The following FRMD5 variants were observed in gnomAD, a reference collection of about 807,000 sequenced individuals.
FRMD5 encodes the protein FERM domain-containing protein 5.
In FRMD5, 20 loss-of-function variants were observed where a neutral mutation model predicts 69.0. The ratio of observed to expected loss-of-function variants is 0.29; its 90% confidence interval spans 0.20 to 0.42. FRMD5 has a LOEUF of 0.42. Ranked by LOEUF, FRMD5 falls within the 10% of genes least tolerant of loss-of-function variation. The probability of loss-of-function intolerance (pLI) is 1.00; values close to 1 mark genes in which losing one functional copy is unlikely to be tolerated. For missense variants in FRMD5, 595 were observed against 708.6 expected (o/e 0.84, Z 1.82); for synonymous variants, 271 against 260.1 (o/e 1.04, Z -0.40).
chr15:44,119,888 TGA>T (rs2076922648), intron 1 of FRMD5, among the ~76,000 whole-genome samples: 2 of 34,632 alleles, frequency 5.8e-5, no homozygotes, highest in Non-Finnish European at 1.8e-4. Flanking sequence ...TAACATACAG[TGA>T]GTGGTAAAAA....
intron 13 of FRMD5, among the ~76,000 whole-genome samples, chr15:43,875,667 G>A (rs955274947): frequency 1.3e-5 from 2 of 151,708 alleles, no homozygotes; most frequent in African/African-American, 2.4e-5. Flanking sequence ...GAGTAGAGAC[G>A]GGGTTTTGCC....
chr15:44,096,600 A>G (rs974360300), intron 1 of FRMD5, among the ~76,000 whole-genome samples: 5 of 151,926 alleles, frequency 3.3e-5, no homozygotes, highest in Non-Finnish European at 7.4e-5. Flanking sequence ...ACGAGGTTTC[A>G]CCGTGTTGGC....
At chr15:43,876,005 G>C in intron 13 of FRMD5, 1 of 1,300,452 alleles carries the variant, frequency 7.7e-7, no homozygotes, top group South Asian at 1.2e-5. Flanking sequence ...AACCCAAGAC[G>C]CCCCCTTGCC....
At chr15:44,196,587 A>G (rs2078301284), upstream of FRMD5, among the ~76,000 whole-genome samples, 1 of 152,138 alleles carries the variant, frequency 6.6e-6, no homozygotes, top group African/African-American at 2.4e-5. Context: ...GTTTATAGGT[A>G]TAATGTGTAA....
chr15:43,954,378 G>A (rs1005378613), intron 1 of FRMD5, among the ~76,000 whole-genome samples: 1 of 152,204 alleles, frequency 6.6e-6, no homozygotes, highest in Admixed American at 6.5e-5. Context: ...CCATGTGATA[G>A]TGACTCAAAG....
chr15:44,124,803 T>C (rs193229500), intron 1 of FRMD5, among the ~76,000 whole-genome samples: 76 of 152,236 alleles, frequency 5.0e-4, no homozygotes, highest in Middle Eastern at 6.8e-3. Flanking sequence ...AGAACGGTTA[T>C]AAAAATTAGG....
intron 1 of FRMD5, among the ~76,000 whole-genome samples, chr15:44,053,049 G>C (rs934249708): frequency 6.6e-6 from 1 of 152,154 alleles, no homozygotes; most frequent in African/African-American, 2.4e-5. Flanking sequence ...AGATAATACT[G>C]CAGGGAGACT....
chr15:43,965,540 T>C (rs2090279273), intron 1 of FRMD5, among the ~76,000 whole-genome samples: 1 of 151,198 alleles, frequency 6.6e-6, no homozygotes, highest in African/African-American at 2.4e-5. Context: ...TGCCACCCTC[T>C]AAAAGATGCC....
intron 1 of FRMD5, among the ~76,000 whole-genome samples, chr15:44,186,792 C>T (rs564804623): frequency 2.0e-5 from 3 of 152,336 alleles, no homozygotes; most frequent in East Asian, 1.9e-4. Flanking sequence ...GGCATTCTGC[C>T]GAACACTGAT....
chr15:43,914,309 G>A (rs1416507840), intron 4 of FRMD5, among the ~76,000 whole-genome samples: 1 of 152,122 alleles, frequency 6.6e-6, no homozygotes, highest in Admixed American at 6.5e-5. Flanking sequence ...TAGATTCTTT[G>A]CCACTGGCTT....
chr15:44,065,009 AAAG>A (rs1054074041), intron 1 of FRMD5, among the ~76,000 whole-genome samples: 7 of 152,350 alleles, frequency 4.6e-5, no homozygotes, highest in Non-Finnish European at 1.0e-4. Flanking sequence ...GACATTTATT[AAAG>A]AAGATAGTGT....
At chr15:44,020,493 A>G (rs1467503343) in intron 1 of FRMD5, among the ~76,000 whole-genome samples, 2 of 152,188 alleles carry the variant, frequency 1.3e-5, no homozygotes, top group Non-Finnish European at 2.9e-5. Flanking sequence ...GTGTTTGTAA[A>G]TTTTTAAAAA....
At chr15:44,076,253 C>G (rs562899602) in intron 1 of FRMD5, among the ~76,000 whole-genome samples, 4 of 151,918 alleles carry the variant, frequency 2.6e-5, no homozygotes, top group African/African-American at 7.2e-5. Context: ...TACCATTTGA[C>G]CCAGCCATCC....
chr15:43,994,801 C>A (rs1052264266), intron 1 of FRMD5, among the ~76,000 whole-genome samples: 14 of 152,214 alleles, frequency 9.2e-5, no homozygotes, highest in African/African-American at 3.4e-4. Flanking sequence ...ACCGCCATTA[C>A]AATATTATTC....
chr15:44,195,479 G>T (rs2140633503), upstream of FRMD5, among the ~76,000 whole-genome samples: 1 of 152,344 alleles, frequency 6.6e-6, no homozygotes, highest in Middle Eastern at 3.4e-3. Flanking sequence ...CGTCCCAAAC[G>T]AGGGGTTCCT....
chr15:44,039,076 C>G (rs952843711), intron 1 of FRMD5, among the ~76,000 whole-genome samples: 5 of 152,200 alleles, frequency 3.3e-5, no homozygotes, highest in African/African-American at 1.2e-4. Flanking sequence ...TCTCGTAAGT[C>G]TGAACTGGGC....
At chr15:44,176,570 A>T (rs1355790954) in intron 1 of FRMD5, among the ~76,000 whole-genome samples, 1 of 152,194 alleles carries the variant, frequency 6.6e-6, no homozygotes, top group African/African-American at 2.4e-5. Context: ...GCTTCAAAAG[A>T]TACCATCAAG....
chr15:44,100,772 G>A (rs1293012683), intron 1 of FRMD5, among the ~76,000 whole-genome samples: 2 of 152,136 alleles, frequency 1.3e-5, no homozygotes, highest in African/African-American at 4.8e-5. Context: ...TTGCTGTATG[G>A]AAAGAAACCC....
intron 1 of FRMD5, among the ~76,000 whole-genome samples, chr15:44,028,164 C>T (rs1432757251): frequency 2.0e-5 from 3 of 152,072 alleles, no homozygotes; most frequent in African/African-American, 2.4e-5. Context: ...AGTTTATAAG[C>T]GAAAAGTCAT....
Sources: allele counts gnomAD v4.1 joint callset (sites outside exome capture counted in the v4.1 genomes callset), GRCh38; gene constraint gnomAD v4.1.1; transcripts MANE v1.5; gene names NCBI Gene and HGNC (gene_info 2026-07-23, HGNC 2026-07-21).